The following SFI1 variants were observed in gnomAD, a reference collection of about 807,000 sequenced individuals.
SFI1 encodes protein SFI1 homolog.
In SFI1, 195 loss-of-function variants were observed where a neutral mutation model predicts 207.5. That is an observed-to-expected ratio of 0.94 (90% confidence interval 0.84 to 1.06). The LOEUF (loss-of-function observed/expected upper bound fraction) is 1.06, where lower values mean the gene tolerates loss of function less well. Ranked by LOEUF, SFI1 falls within the 50% of genes least tolerant of loss-of-function variation. The pLI is 0.00. For missense variants in SFI1, 1,634 were observed against 1,588.0 expected (o/e 1.03, Z -0.49); for synonymous variants, 630 against 598.9 (o/e 1.05, Z -0.76).
intron 2 of SFI1, among the ~76,000 whole-genome samples, chr22:31,522,816 C>A (rs2057435204): frequency 6.6e-6 from 1 of 152,018 alleles, no homozygotes; most frequent in Non-Finnish European, 1.5e-5. Flanking sequence ...CCACCATGCC[C>A]AGCTAATTTT....
intron 6 of SFI1, among the ~76,000 whole-genome samples, chr22:31,553,537 T>TA (rs1355619745): frequency 2.7e-4 from 40 of 147,178 alleles, no homozygotes; most frequent in African/African-American, 9.0e-4. Context: ...GTATTTTTTT[T>TA]TTTTTTTTTT....
chr22:31,613,801 G>A lies in SFI1; in HGVS notation c.2942G>A (p.Arg981Gln), dbSNP rs772219707. 6.1e-5 allele frequency: 99 copies of A among 1,611,200 alleles called. No homozygotes were observed. The highest frequency in any genetic ancestry group is 3.4e-4 in the Middle Eastern group (2 of 5,932). Residue 981 changes from arginine (R) to glutamine (Q), a missense_variant, in exon 27 of 33, where the codon CGG (arginine) becomes CAG (glutamine). Transcript: ENST00000400288. ...TLETKRPQAS[R>Q]PLGALGRLAA... ...GAGACCAAGAGGCCACAGGCTTCTC[G>A]GCCTCTGGGAGCTCTGGGCCGCCTG... is the stretch of plus-strand genomic sequence containing the variant.
At chr22:31,561,784 GT>G (rs1250507864) in intron 8 of SFI1, among the ~76,000 whole-genome samples, 1 of 152,178 alleles carries the variant, frequency 6.6e-6, no homozygotes, top group Non-Finnish European at 1.5e-5. Context: ...TTTCTTTATA[GT>G]TTTGATTGTC....
At chr22:31,550,471 T>G in intron 6 of SFI1, 123 bp downstream of exon 6, 1 of 719,562 alleles carries the variant, frequency 1.4e-6, no homozygotes, top group Non-Finnish European at 2.3e-6. Context: ...ATTTGTTTGA[T>G]TCTCTTTCAT....
intron 1 of SFI1, among the ~76,000 whole-genome samples, chr22:31,500,891 C>T (rs1278855606): frequency 6.6e-6 from 1 of 151,268 alleles, no homozygotes; most frequent in Non-Finnish European, 1.5e-5. Flanking sequence ...CCTCCGTCTC[C>T]CAGGTTCAAG....
At chr22:31,549,497 T>G (rs1206269178) in intron 5 of SFI1, among the ~76,000 whole-genome samples, 1 of 151,816 alleles carries the variant, frequency 6.6e-6, no homozygotes. Flanking sequence ...CCTGAGTAGC[T>G]GAGACTACAG....
chr22:31,591,748 G>A (rs28725188), intron 15 of SFI1, among the ~76,000 whole-genome samples: 7 of 49,724 alleles, frequency 1.4e-4, no homozygotes, highest in Non-Finnish European at 1.8e-4. Context: ...CTCACCTCCC[G>A]GACGGGGCGG....
rs755009191 is a variant in SFI1 at position 31,550,249 on chromosome 22, C to G, written c.450-5C>G. 1.2e-6 allele frequency: 2 copies of G among 1,611,072 alleles called. No homozygotes were observed. Among genetic ancestry groups the G allele is most frequent in the Non-Finnish European group, 1.7e-6 (2 of 1,178,326 alleles). Reference sequence around the variant, plus strand: ...AAATGCCATTTACTTTTTTTGGCTCCTCAGGTATTACCTGTACAACCTGAT... The same window carrying G: ...AAATGCCATTTACTTTTTTTGGCTCGTCAGGTATTACCTGTACAACCTGAT... On this transcript the variant is annotated splice_polypyrimidine_tract_variant and splice_region_variant and intron_variant, in intron 5 of 32. Coordinates refer to ENST00000400288, the MANE Select transcript of SFI1 (RefSeq NM_001007467.3).
intron 4 of SFI1, among the ~76,000 whole-genome samples, chr22:31,541,743 CAAA>C (rs71673219): frequency 3.8e-4 from 33 of 86,168 alleles, no homozygotes; most frequent in Admixed American, 9.5e-4. Context: ...GACTCCATCT[CAAA>C]AAAAAAAAAA....
chr22:31,502,161 G>A (rs1183270818), intron 1 of SFI1, among the ~76,000 whole-genome samples: 1 of 152,130 alleles, frequency 6.6e-6, no homozygotes. Context: ...TATTAAAAGG[G>A]TTTGGATCTT....
chr22:31,544,311 G>A (rs1460529887), intron 4 of SFI1, among the ~76,000 whole-genome samples: 2 of 152,040 alleles, frequency 1.3e-5, no homozygotes, highest in Non-Finnish European at 2.9e-5. Context: ...TCAGATTTCA[G>A]CTAAATTAAT....
At chr22:31,551,682 C>T (rs1317853300) in intron 6 of SFI1, among the ~76,000 whole-genome samples, 1 of 152,174 alleles carries the variant, frequency 6.6e-6, no homozygotes, top group Non-Finnish European at 1.5e-5. Flanking sequence ...CCACCTGCCT[C>T]GCTCTCCCAA....
At chr22:31,500,799 GTTTTTTGT>G (rs2146349334) in intron 1 of SFI1, among the ~76,000 whole-genome samples, 2 of 46,814 alleles carry the variant, frequency 4.3e-5, no homozygotes, top group South Asian at 1.1e-3. Context: ...TTTTGTTTTT[GTTTTTTGT>G]TTTTTTTTTT....
Position 31,613,124 on chromosome 22 carries a change from T to C in SFI1, c.2491-18T>C, listed in dbSNP as rs373726982. 27 of 1,612,102 alleles carry C rather than the reference T, an allele frequency of 1.7e-5. No individual in the cohort carries two copies. The highest frequency in any genetic ancestry group is 2.2e-5 in the Non-Finnish European group (26 of 1,179,794). On this transcript the variant is annotated intron_variant, in intron 24 of 32. Transcript: ENST00000400288. ...TTGAAGGGGCTATAGGGAAATGATC[T>C]GGTCTTTCTGGCCCTAGCTGGCAGC... is the stretch of plus-strand genomic sequence containing the variant.
chr22:31,509,998 G>T, intron 2 of SFI1, among the ~76,000 whole-genome samples: 1 of 151,950 alleles, frequency 6.6e-6, no homozygotes, highest in Non-Finnish European at 1.5e-5. Flanking sequence ...TCGGCTCACT[G>T]CAATCTCTGC....
rs899852026 is a variant in SFI1 at position 31,587,327 on chromosome 22, G to C, written c.1414-2120G>C. 4 of 191,188 alleles carry C rather than the reference G, an allele frequency of 2.1e-5. No individual in the cohort carries two copies. The African/African-American group carries it at 2.2e-4, about 11-fold the overall frequency. The allele number at this position is 191,188 out of a possible 1,614,324, so 11.8% of individuals were successfully genotyped here. The stretch of plus-strand genomic sequence containing the variant: ...TTTGTTTTGTTTTGTTTTTGAGACA[G>C]GTTTCACTTTGTCACCCAGGCTGGA... On this transcript the variant is annotated intron_variant, in intron 14 of 32. Coordinates refer to ENST00000400288, the MANE Select transcript of SFI1 (RefSeq NM_001007467.3).
intron 24 of SFI1, chr22:31,612,893 C>A: frequency 1.9e-6 from 1 of 520,920 alleles, no homozygotes; most frequent in East Asian, 3.1e-5. Context: ...GGACCTCAGG[C>A]CGCTGCCTCC....
intron 15 of SFI1, among the ~76,000 whole-genome samples, chr22:31,600,808 C>T (rs923424380): frequency 2.6e-5 from 4 of 152,246 alleles, no homozygotes; most frequent in Non-Finnish European, 1.5e-5. Flanking sequence ...TACTGTCCAG[C>T]GCCTGAAGAC....
intron 15 of SFI1, among the ~76,000 whole-genome samples, chr22:31,591,213 T>C (rs1472138153): frequency 3.9e-5 from 6 of 152,146 alleles, no homozygotes; most frequent in African/African-American, 7.2e-5. Context: ...ACAAAGCACA[T>C]CTTGCACCGC....
Sources: gnomAD v4.1 joint callset for allele counts (sites outside exome capture counted in the v4.1 genomes callset) on GRCh38, gnomAD v4.1.1 for gene constraint, MANE v1.5 for transcripts, NCBI Gene and HGNC (gene_info 2026-07-23, HGNC 2026-07-21) for gene names.